PAPPA: variants seen among roughly 807,000 people sequenced by gnomAD.
PAPPA encodes the protein pappalysin 1, also known as pappalysin-1.
A neutral mutation model predicts 164.0 loss-of-function variants in PAPPA; 60 were observed. That is an observed-to-expected ratio of 0.37 (90% CI 0.30 to 0.45). The LOEUF is 0.45. Among genes scored for constraint, PAPPA ranks in the 20% least tolerant of loss-of-function variants. PAPPA has a pLI of 1.00. For missense variants in PAPPA, 1,782 were observed against 2,087.3 expected (o/e 0.85, Z 2.85); for synonymous variants, 875 against 814.1 (o/e 1.07, Z -1.27).
At chr9:116,309,931 GA>G (rs1175300540) in intron 10 of PAPPA, among the ~76,000 whole-genome samples, 1 of 152,144 alleles carries the variant, frequency 6.6e-6, no homozygotes, top group East Asian at 1.9e-4. Context: ...CAACCCTGCT[GA>G]GAATTCTTAA....
At chr9:116,218,808 C>G (rs1022775329) in intron 4 of PAPPA, among the ~76,000 whole-genome samples, 1 of 152,134 alleles carries the variant, frequency 6.6e-6, no homozygotes, top group Non-Finnish European at 1.5e-5. Context: ...CCAGATGTAT[C>G]CCTAGCTTTG....
At position 116,211,693 on chromosome 9, in the gene PAPPA, T is replaced by G. The variant is rs1347482768; in HGVS notation, c.1679T>G (p.Met560Arg). 2 of 1,614,020 alleles carry G rather than the reference T, an allele frequency of 1.2e-6. No individual in the cohort carries two copies. The highest frequency in any genetic ancestry group is 1.7e-6 in the Non-Finnish European group (2 of 1,180,006). The change falls in exon 4 of 22, where the codon ATG (methionine) becomes AGG (arginine). Residue 560 changes from methionine (M) to arginine (R), a missense_variant. Met to Arg is a moderately conservative substitution (Grantham distance 91). Coordinates refer to ENST00000328252, the MANE Select transcript of PAPPA (RefSeq NM_002581.5). ...GGCATGCCTGGGCACACCCACACCA[T>G]GATCCATGAGATTGGTCACAGCCTG... ...FYGMPGHTHT[M>R]IHEIGHSLGL...
chr9:116,322,382 C>CCTGGG (rs1845868186), intron 10 of PAPPA, among the ~76,000 whole-genome samples: 1 of 145,950 alleles, frequency 6.9e-6, no homozygotes, highest in Non-Finnish European at 1.5e-5. Context: ...CGCATTCCAG[C>CCTGGG]CTGGGGTACA....
intron 7 of PAPPA, among the ~76,000 whole-genome samples, chr9:116,256,426 A>G (rs971085750): frequency 6.6e-6 from 1 of 151,994 alleles, no homozygotes; most frequent in Non-Finnish European, 1.5e-5. Context: ...AAATGGAAAC[A>G]TAAGTCATTA....
intron 7 of PAPPA, among the ~76,000 whole-genome samples, chr9:116,260,159 A>G (rs917395630): frequency 6.6e-6 from 1 of 152,214 alleles, no homozygotes; most frequent in African/African-American, 2.4e-5. Flanking sequence ...ATGGGAAGGA[A>G]ATGAGATACA....
At chr9:116,349,243 T>C (rs1254694545) in intron 15 of PAPPA, among the ~76,000 whole-genome samples, 2 of 152,120 alleles carry the variant, frequency 1.3e-5, no homozygotes, top group African/African-American at 4.8e-5. Context: ...AACAATATAG[T>C]GGCCAATATT....
intron 14 of PAPPA, among the ~76,000 whole-genome samples, chr9:116,345,492 T>C (rs1293240400): frequency 6.6e-6 from 1 of 152,110 alleles, no homozygotes; most frequent in African/African-American, 2.4e-5. Context: ...TTTCTTTTTC[T>C]GTACTCACCC....
intron 13 of PAPPA, among the ~76,000 whole-genome samples, chr9:116,337,874 A>G (rs1846081897): frequency 6.6e-6 from 1 of 152,156 alleles, no homozygotes; most frequent in Non-Finnish European, 1.5e-5. Flanking sequence ...AGTACTTGGT[A>G]TAAATTCAGA....
At chr9:116,334,349 C>T (rs541810993) in intron 12 of PAPPA, among the ~76,000 whole-genome samples, 1 of 152,030 alleles carries the variant, frequency 6.6e-6, no homozygotes, top group Non-Finnish European at 1.5e-5. Context: ...CCCCTGCCCA[C>T]GATTCTCAAC....
rs1054906970 is a variant in PAPPA, at chr9:116,385,302, C to T, written c.4776+2809C>T. ...ATAAATAATAATTTGGAATCCACAC[C>T]TGAACCTCAATCTCATGACTTCATA... On this transcript the variant is annotated intron_variant, in intron 21 of 21. Coordinates refer to ENST00000328252, the MANE Select transcript of PAPPA (RefSeq NM_002581.5). Among the ~76,000 whole-genome samples, 3 of 151,210 alleles carry T rather than the reference C, an allele frequency of 2.0e-5. No homozygotes were observed. In the East Asian group the frequency reaches 5.8e-4, roughly 29 times the overall value.
intron 6 of PAPPA, among the ~76,000 whole-genome samples, chr9:116,232,283 C>T (rs900458170): frequency 6.6e-6 from 1 of 152,156 alleles, no homozygotes; most frequent in African/African-American, 2.4e-5. Context: ...TATTCTCATG[C>T]TTGGAATACC....
intron 10 of PAPPA, among the ~76,000 whole-genome samples, chr9:116,329,663 C>T (rs908913242): frequency 3.9e-5 from 6 of 152,106 alleles, no homozygotes; most frequent in Non-Finnish European, 5.9e-5. Context: ...TTATAAATGA[C>T]GTCATGATGT....
chr9:116,314,794 C>G lies in PAPPA; in HGVS notation c.3147+11844C>G, dbSNP rs190576048. Among the ~76,000 whole-genome samples, 13 of 152,320 alleles carry G rather than the reference C, an allele frequency of 8.5e-5. No homozygotes were observed. In the East Asian group the frequency reaches 2.5e-3, roughly 29 times the overall value. On this transcript the variant is annotated intron_variant, in intron 10 of 21. Transcript: ENST00000328252. The stretch of plus-strand genomic sequence containing the variant: ...CCTACAGGGTTTAGCTCAAGTGGCT[C>G]CTCTTCCATATCCCTCCCCTGACAA...
intron 6 of PAPPA, among the ~76,000 whole-genome samples, chr9:116,228,233 T>A (rs1428058939): frequency 6.6e-6 from 1 of 152,186 alleles, no homozygotes. Flanking sequence ...TGTCACACTT[T>A]GTCACTTGGC....
At chr9:116,344,071 A>G (rs1846175025) in intron 13 of PAPPA, among the ~76,000 whole-genome samples, 1 of 152,116 alleles carries the variant, frequency 6.6e-6, no homozygotes, top group African/African-American at 2.4e-5. Flanking sequence ...CAGCCCAGCT[A>G]CCATTTACTG....
chr9:116,297,759 G>A (rs1246078172), intron 9 of PAPPA, among the ~76,000 whole-genome samples: 1 of 152,178 alleles, frequency 6.6e-6, no homozygotes, highest in Admixed American at 6.5e-5. Flanking sequence ...GTAGAGAAAA[G>A]TAGAATCTCT....
rs572939319 is a variant in PAPPA, at chr9:116,236,728, G to A, written c.2732+1091G>A. Among the ~76,000 whole-genome samples the A allele has an allele frequency of 1.1e-4, 13 of 114,038 alleles. No individual in the cohort carries two copies. The South Asian group carries it at 2.1e-3, about 18-fold the overall frequency. 74.8% of individuals were successfully genotyped at this position (114,038 alleles called of 152,430 possible). A position where few individuals can be genotyped will look rare whatever the true frequency, so the allele number is the denominator to read the frequency against. On this transcript the variant is annotated intron_variant, in intron 7 of 21. Transcript: ENST00000328252. ...GTGCTTTTCCTGTGTACTAGAAAATGGGCTAAGGTCTTTGCATCTTTTACT... is the reference window on the plus strand; with the variant it reads ...GTGCTTTTCCTGTGTACTAGAAAATAGGCTAAGGTCTTTGCATCTTTTACT...
chr9:116,379,389 A>G (rs1846697284), intron 20 of PAPPA, among the ~76,000 whole-genome samples: 1 of 152,202 alleles, frequency 6.6e-6, no homozygotes, highest in African/African-American at 2.4e-5. Flanking sequence ...GCTGGGTCCA[A>G]AGTGATCATT....
Position 116,347,054 on chromosome 9 carries a change from C to T in PAPPA, c.3809C>T (p.Thr1270Ile), listed in dbSNP as rs1846219754. 1 of 1,613,982 alleles carries T rather than the reference C, an allele frequency of 6.2e-7. No individual in the cohort carries two copies. Among genetic ancestry groups the T allele is most frequent in the East Asian group, 2.2e-5 (1 of 44,864 alleles). The change falls in exon 15 of 22, where the codon ACA (threonine) becomes ATA (isoleucine). Residue 1270 changes from threonine (T) to isoleucine (I), a missense_variant. Thr to Ile is a moderately conservative substitution (Grantham distance 89, BLOSUM62 -1). This residue lies in a region of PAPPA where 1,324 missense variants were observed against 1,656.9 expected (regional missense o/e 0.80). Transcript: ENST00000328252. The surrounding 1 kb of genome is among the most constrained non-coding windows in gnomAD (Gnocchi z 4.5). ...QTGPSVTVTC[T>I]EGKWNKQVAC... ...GGACCCAGCGTCACAGTGACCTGTA[C>T]AGAGGGCAAGTGGAATAAGCAGGTG...
Sources: gnomAD v4.1 joint callset for allele counts (sites outside exome capture counted in the v4.1 genomes callset) on GRCh38, gnomAD v4.1.1 for gene constraint, gnomAD v4.1.1 regional missense constraint, Gnocchi (gnomAD v3.1) non-coding constraint, MANE v1.5 for transcripts, NCBI Gene and HGNC (gene_info 2026-07-23, HGNC 2026-07-21) for gene names.